Variants in CENPP observed in about 807,000 individuals in gnomAD.
The protein encoded by CENPP is centromere protein P.
In CENPP, 24 loss-of-function variants were observed where a neutral mutation model predicts 35.6. The ratio of observed to expected loss-of-function variants is 0.67; its 90% CI spans 0.49 to 0.95. CENPP has a LOEUF of 0.95. Among genes scored for constraint, CENPP ranks in the 40% least tolerant of loss-of-function variants. CENPP has a pLI of 0.00. For synonymous variants in CENPP, 120 were observed against 125.5 expected (o/e 0.96, Z 0.29); for missense variants, 332 against 345.3 (o/e 0.96, Z 0.31).
intron 5 of CENPP, among the ~76,000 whole-genome samples, chr9:92,506,281 T>C (rs1166559248): frequency 2.0e-5 from 3 of 152,224 alleles, no homozygotes; most frequent in African/African-American, 7.2e-5. Context: ...AGTTACTCAC[T>C]TGTTGGCACA....
At chr9:92,540,009 T>C (rs896137978) in intron 5 of CENPP, among the ~76,000 whole-genome samples, 1 of 152,234 alleles carries the variant, frequency 6.6e-6, no homozygotes, top group African/African-American at 2.4e-5. Context: ...TGCCACTTTA[T>C]TTTTTAAACA....
rs189215625 is a variant in CENPP, at chr9:92,479,356, G to A, written c.564+99497G>A. Among the ~76,000 whole-genome samples, 266 of 152,282 alleles carry A rather than the reference G, an allele frequency of 1.7e-3. 2 individuals are homozygous for A. Among genetic ancestry groups the A allele is most frequent in the African/African-American group, 6.2e-3 (259 of 41,568 alleles). ...CGGTAAAATTAAAATATGAAATGGA[G>A]ACTTCTGCCTGCAAGTTTTAGGCAG... On this transcript the variant is annotated intron_variant, in intron 5 of 7. Transcript: ENST00000375587.
intron 5 of CENPP, among the ~76,000 whole-genome samples, chr9:92,419,693 A>G (rs1843728922): frequency 6.6e-6 from 1 of 152,208 alleles, no homozygotes; most frequent in African/African-American, 2.4e-5. Flanking sequence ...GAAAACTGCT[A>G]TCCAGATGAA....
At chr9:92,550,645 G>A (rs1849568714) in intron 5 of CENPP, among the ~76,000 whole-genome samples, 1 of 152,026 alleles carries the variant, frequency 6.6e-6, no homozygotes, top group Admixed American at 6.6e-5. Flanking sequence ...GCATGTAAAG[G>A]GATGTAAGGG....
In CENPP at chr9:92,420,473, A is replaced by G. The variant is rs543235371; in HGVS notation, c.564+40614A>G. ...AATGTAACTAAAGAAAAACAGGAGCATGGTGACTGGTCTCACTCTCGATTC... is the reference window on the plus strand; with the variant it reads ...AATGTAACTAAAGAAAAACAGGAGCGTGGTGACTGGTCTCACTCTCGATTC... On this transcript the variant is annotated intron_variant, in intron 5 of 7. Coordinates refer to ENST00000375587, the MANE Select transcript of CENPP (RefSeq NM_001012267.3). Among the ~76,000 whole-genome samples, 10 of 152,332 alleles carry G rather than the reference A, an allele frequency of 6.6e-5. No individual in the cohort carries two copies. The South Asian group carries it at 1.9e-3, about 28-fold the overall frequency.
Position 92,430,647 on chromosome 9 carries a change from C to T in CENPP, c.564+50788C>T, listed in dbSNP as rs185852556. 5.3e-4 allele frequency among the ~76,000 whole-genome samples: 81 copies of T among 152,162 alleles called. 1 individual carries two copies. In the Middle Eastern group the frequency reaches 0.014, roughly 26 times the overall value. On this transcript the variant is annotated intron_variant, in intron 5 of 7. Transcript: ENST00000375587. Reference sequence around the variant, plus strand: ...CTGGGATTACAGGTGTGAGCCACCACGCCTGGACAAGTTTATCCATCTCTT... The same window carrying T: ...CTGGGATTACAGGTGTGAGCCACCATGCCTGGACAAGTTTATCCATCTCTT...
chr9:92,417,087 A>G, intron 5 of CENPP: 1 of 1,613,842 alleles, frequency 6.2e-7, no homozygotes, highest in South Asian at 1.1e-5. Flanking sequence ...GGAAGAGGAA[A>G]TGGAAATTCT....
chr9:92,589,969 T>C (rs1850630130), intron 5 of CENPP, among the ~76,000 whole-genome samples: 1 of 152,226 alleles, frequency 6.6e-6, no homozygotes, highest in African/African-American at 2.4e-5. Flanking sequence ...AACTACACAG[T>C]ATCATCCCTG....
At chr9:92,481,485 T>G (rs1416439316) in intron 5 of CENPP, among the ~76,000 whole-genome samples, 1 of 152,176 alleles carries the variant, frequency 6.6e-6, no homozygotes, top group Non-Finnish European at 1.5e-5. Context: ...GTGCCACACC[T>G]CTGAATAGAT....
intron 5 of CENPP, among the ~76,000 whole-genome samples, chr9:92,567,454 A>G (rs1850025053): frequency 1.3e-5 from 2 of 148,240 alleles, no homozygotes; most frequent in African/African-American, 4.9e-5. Flanking sequence ...CATCTCAAAC[A>G]TTTATCATTT....
At chr9:92,464,495 C>G (rs1845231458) in intron 5 of CENPP, among the ~76,000 whole-genome samples, 1 of 152,228 alleles carries the variant, frequency 6.6e-6, no homozygotes, top group Non-Finnish European at 1.5e-5. Flanking sequence ...CCTGCCAGAG[C>G]CAGGGGCTGC....
At position 92,349,237 on chromosome 9, in the gene CENPP, T is replaced by A. The variant is rs539761624; in HGVS notation, c.467+3450T>A. On this transcript the variant is annotated intron_variant, in intron 4 of 7. Coordinates refer to ENST00000375587, the MANE Select transcript of CENPP (RefSeq NM_001012267.3). ...CCTCTGTTGCAGTACTGTCTGCCAG[T>A]GGGCCCATTTAAGGAGTTCTTTATG... is the stretch of plus-strand genomic sequence containing the variant. Among the ~76,000 whole-genome samples, 157 of 152,284 alleles carry A rather than the reference T, an allele frequency of 1.0e-3. 2 individuals are homozygous for A. The highest frequency in any genetic ancestry group is 6.8e-3 in the Middle Eastern group (2 of 294).
chr9:92,404,447 C>T (rs780227176), intron 5 of CENPP: 8 of 1,157,500 alleles, frequency 6.9e-6, no homozygotes, highest in East Asian at 6.3e-5. Context: ...ATGAGTCAGT[C>T]GCACTTTAAC....
Position 92,618,626 on chromosome 9 carries a change from G to GTATT in CENPP, c.*5479_*5482dup, listed in dbSNP as rs1564025913. On this transcript the variant is annotated 3_prime_UTR_variant, in exon 8 of 8. Transcript: ENST00000375587. Reference sequence around the variant, plus strand: ...AATTCCTCATAACTTAGCCCTGTAGGTATTTCCTTAGGGGATAACAGGAGT... The same window carrying GTATT: ...AATTCCTCATAACTTAGCCCTGTAGGTATTTATTTCCTTAGGGGATAACAGGAGT... The GTATT allele has an allele frequency of 2.2e-6, 1 of 452,742 alleles. No homozygotes were observed. The allele number at this position is 452,742 out of a possible 1,614,324, so 28.0% of individuals were successfully genotyped here. A position where few individuals can be genotyped will look rare whatever the true frequency, so the allele number is the denominator to read the frequency against.
At chr9:92,574,711 G>GAAAAACTC (rs1350042152) in intron 5 of CENPP, among the ~76,000 whole-genome samples, 1 of 152,146 alleles carries the variant, frequency 6.6e-6, no homozygotes, top group Non-Finnish European at 1.5e-5. Context: ...CGCAGAAATA[G>GAAAAACTC]AAAAACTCAT....
At chr9:92,385,259 AG>A (rs1842374103) in intron 5 of CENPP, 1 of 164,770 alleles carries the variant, frequency 6.1e-6, no homozygotes, top group African/African-American at 2.4e-5. Flanking sequence ...AGGCCAGGAA[AG>A]GCAAAGAGTT....
chr9:92,366,399 C>G (rs758435411), intron 4 of CENPP, among the ~76,000 whole-genome samples: 6 of 152,068 alleles, frequency 3.9e-5, no homozygotes, highest in Non-Finnish European at 7.4e-5. Context: ...ACCAGATATA[C>G]AAAACACTGT....
At chr9:92,466,286 G>A (rs952024088) in intron 5 of CENPP, 1 of 994,298 alleles carries the variant, frequency 1.0e-6, no homozygotes, top group African/African-American at 1.6e-5. Context: ...ATTCTTAATA[G>A]TGACGATAAA....
chr9:92,588,420 T>C (rs1850591791), intron 5 of CENPP, among the ~76,000 whole-genome samples: 2 of 151,532 alleles, frequency 1.3e-5, no homozygotes, highest in Admixed American at 1.3e-4. Flanking sequence ...GCTAATTTTT[T>C]GTATTTTTTT....
Sources: allele counts gnomAD v4.1 joint callset (sites outside exome capture counted in the v4.1 genomes callset), GRCh38; gene constraint gnomAD v4.1.1; transcripts MANE v1.5; gene names NCBI Gene and HGNC (gene_info 2026-07-23, HGNC 2026-07-21).